ARHGEF2: variants seen among roughly 807,000 people sequenced by gnomAD.
ARHGEF2 encodes Rho/Rac guanine nucleotide exchange factor 2.
Under a neutral mutation model 121.0 loss-of-function variants are expected in ARHGEF2, and 22 were observed. That is an observed-to-expected ratio of 0.18 (90% CI 0.13 to 0.26). The LOEUF is 0.26. ARHGEF2 is among the 10% of genes least tolerant of loss of function. The pLI is 1.00. For missense variants in ARHGEF2, 907 were observed against 1,336.0 expected (o/e 0.68, Z 5.01); for synonymous variants, 487 against 530.0 (o/e 0.92, Z 1.11).
Position 155,961,172 on chromosome 1 carries a change from A to G in ARHGEF2, c.1468+489T>C, listed in dbSNP as rs924983212. ...TGATAGGGAAGGCCCTGTATGGTCCATAAAGTTAACTGCAGAATTCAGGCT... is the reference window on the plus strand; with the variant it reads ...TGATAGGGAAGGCCCTGTATGGTCCGTAAAGTTAACTGCAGAATTCAGGCT... On this transcript the variant is annotated intron_variant, in intron 11 of 21. Transcript: ENST00000361247. The surrounding 1 kb of genome is among the most constrained non-coding windows in gnomAD (Gnocchi z 4.7). Among the ~76,000 whole-genome samples, 2 of 152,198 alleles carry G rather than the reference A, an allele frequency of 1.3e-5. No individual in the cohort carries two copies. The highest frequency in any genetic ancestry group is 2.9e-5 in the Non-Finnish European group (2 of 68,042).
chr1:155,949,557 C>T lies in ARHGEF2; in HGVS notation c.2887+742G>A, dbSNP rs115446733. Among the ~76,000 whole-genome samples, 1,309 of 148,598 alleles carry T rather than the reference C, an allele frequency of 8.8e-3. 21 individuals are homozygous for T. Among genetic ancestry groups the T allele is most frequent in the African/African-American group, 0.031 (1,237 of 40,236 alleles). The stretch of plus-strand genomic sequence containing the variant: ...ATCTCACTACTGTACTCCAGCCTGG[C>T]GACAGAGTGAGAATTCCATCTCAAA... On this transcript the variant is annotated intron_variant, in intron 21 of 21. Transcript: ENST00000361247.
Position 155,962,990 on chromosome 1 carries a change from G to C in ARHGEF2, c.918C>G (p.Cys306Trp). The C allele has an allele frequency of 6.2e-7, 1 of 1,614,190 alleles. No individual in the cohort carries two copies. Among genetic ancestry groups the C allele is most frequent in the African/African-American group, 1.3e-5 (1 of 75,036 alleles). ...QLLERRRQAL[C>W]PGSTRNFVIH... ...TGACAAAGTTCCGGGTGCTGCCAGGGCACAGGGCCTGGCGTCGGCGTTCTA... is the reference window on the plus strand; with the variant it reads ...TGACAAAGTTCCGGGTGCTGCCAGGCCACAGGGCCTGGCGTCGGCGTTCTA... The change falls in exon 8 of 22, where the codon TGC becomes TGG. Residue 306 changes from cysteine (C) to tryptophan (W), a missense_variant. Physicochemically the swap from Cys to Trp is radical, Grantham distance 215 (BLOSUM62 -2). Transcript: ENST00000361247. The surrounding 1 kb of genome is among the most constrained non-coding windows in gnomAD (Gnocchi z 5.8).
intron 1 of ARHGEF2, 23 bp from the exon 2 acceptor site, chr1:155,969,323 A>G: frequency 6.2e-7 from 1 of 1,612,518 alleles, no homozygotes; most frequent in Non-Finnish European, 8.5e-7. Flanking sequence ...TGAGAGGGAG[A>G]GGAAGTGAGG....
At position 155,947,269 on chromosome 1, in the gene ARHGEF2, A is replaced by G. The variant is rs926539439; in HGVS notation, c.*673T>C. 1.2e-5 allele frequency: 5 copies of G among 425,306 alleles called. No individual in the cohort carries two copies. The East Asian group carries it at 2.8e-4, about 24-fold the overall frequency. The allele number at this position is 425,306 out of a possible 1,614,324, so 26.3% of individuals were successfully genotyped here. On this transcript the variant is annotated 3_prime_UTR_variant, in exon 22 of 22. Coordinates refer to ENST00000361247, the MANE Select transcript of ARHGEF2 (RefSeq NM_001162383.2). ...ACAAAAAAGAAAACAAAAGAACAACAAAACATTCTGGTCCCTGTGGGTTTT... is the reference window on the plus strand; with the variant it reads ...ACAAAAAAGAAAACAAAAGAACAACGAAACATTCTGGTCCCTGTGGGTTTT...
In ARHGEF2 at chr1:155,962,714, G is replaced by A. The variant is rs1678223154; in HGVS notation, c.980C>T (p.Ser327Leu). Residue 327 changes from serine (S) to leucine (L), a missense_variant, in exon 9 of 22, where the codon TCA becomes TTA. Ser to Leu is a moderately radical substitution (Grantham distance 145). Transcript: ENST00000361247. The surrounding 1 kb of genome is among the most constrained non-coding windows in gnomAD (Gnocchi z 5.8). ...ACACATCTGCTCCGCACTAGGACCT[G>A]AGAACTAGAAGTTGGTCGAGTAAGG... ...RLGDLLISQF[S>L]GPSAEQMCKT... 6.2e-7 allele frequency: 1 copy of A among 1,614,058 alleles called. No individual in the cohort carries two copies.
At position 155,951,849 on chromosome 1, in the gene ARHGEF2, T is replaced by G; in HGVS notation, c.2172+70A>C. ...GGTGCCTGCCCCTGACAGCTTTGTG[T>G]TGAGGATCCAGAGGCTGGCTGTCCC... On this transcript the variant is annotated intron_variant, in intron 17 of 21. Transcript: ENST00000361247. The surrounding 1 kb of genome is among the most constrained non-coding windows in gnomAD (Gnocchi z 5.1). 1 of 1,613,110 alleles carries G rather than the reference T, an allele frequency of 6.2e-7. No homozygotes were observed. The highest frequency in any genetic ancestry group is 1.3e-5 in the African/African-American group (1 of 75,000).
chr1:155,969,035 G>A (rs1469678135), intron 2 of ARHGEF2, 121 bp downstream of exon 2: 5 of 1,287,484 alleles, frequency 3.9e-6, no homozygotes, highest in Non-Finnish European at 5.4e-6. Context: ...CCTGGCATTT[G>A]GGCCCAGCTG....
rs1431522660 is a variant in ARHGEF2, at chr1:155,952,939, A to G, written c.1784-111T>C. Reference sequence around the variant, plus strand: ...AGGGTGGGGCAGTGTGGCAGACTTAATTTTGTTATTTTGGCATTTATAAAA... The same window carrying G: ...AGGGTGGGGCAGTGTGGCAGACTTAGTTTTGTTATTTTGGCATTTATAAAA... On this transcript the variant is annotated intron_variant, in intron 14 of 21. Coordinates refer to ENST00000361247, the MANE Select transcript of ARHGEF2 (RefSeq NM_001162383.2). 3.2e-5 allele frequency: 30 copies of G among 943,218 alleles called. No homozygotes were observed. The Middle Eastern group carries it at 6.6e-4, about 21-fold the overall frequency. 58.4% of individuals were successfully genotyped at this position (943,218 alleles called of 1,614,324 possible).
rs1424122030 is a variant in ARHGEF2 at position 155,954,799 on chromosome 1, C to T, written c.1783+103G>A. Reference sequence around the variant, plus strand: ...TTAATATGTTTCAGTTGTGGATCTACACCAGCCCTCATAGAGCCATCTCAT... The same window carrying T: ...TTAATATGTTTCAGTTGTGGATCTATACCAGCCCTCATAGAGCCATCTCAT... On this transcript the variant is annotated intron_variant, in intron 14 of 21. Coordinates refer to ENST00000361247, the MANE Select transcript of ARHGEF2 (RefSeq NM_001162383.2). 2.7e-6 allele frequency: 3 copies of T among 1,111,072 alleles called. No individual in the cohort carries two copies. The African/African-American group carries it at 4.6e-5, about 17-fold the overall frequency. The allele number at this position is 1,111,072 out of a possible 1,614,324, so 68.8% of individuals were successfully genotyped here. A position where few individuals can be genotyped will look rare whatever the true frequency, so the allele number is the denominator to read the frequency against.
rs1572117142 is a variant in ARHGEF2, at chr1:155,961,339, A to G, written c.1468+322T>C. Reference sequence around the variant, plus strand: ...ACCCAGGCTAGAGTGCAGTGGTGCAATCTGGGCTCACTGCAAGCTCCGCCT... The same window carrying G: ...ACCCAGGCTAGAGTGCAGTGGTGCAGTCTGGGCTCACTGCAAGCTCCGCCT... On this transcript the variant is annotated intron_variant, in intron 11 of 21. Transcript: ENST00000361247. This position sits in a 1 kb window ranked among gnomAD's most constrained non-coding sequence, Gnocchi z 4.7. Among the ~76,000 whole-genome samples the G allele has an allele frequency of 1.3e-5, 2 of 150,250 alleles. No homozygotes were observed. The highest frequency in any genetic ancestry group is 6.8e-3 in the Middle Eastern group (2 of 294).
chr1:155,979,268 T>C (rs955617720), upstream of ARHGEF2: 7 of 985,400 alleles, frequency 7.1e-6, no homozygotes, highest in Non-Finnish European at 8.4e-6. Context: ...TCTCCACTTT[T>C]ACCGAAGGCC....
In ARHGEF2 at chr1:155,950,396, C is replaced by T. The variant is rs1675166654; in HGVS notation, c.2790G>A (p.Leu930=). 1 of 1,614,162 alleles carries T rather than the reference C, an allele frequency of 6.2e-7. No homozygotes were observed. Among genetic ancestry groups the T allele is most frequent in the East Asian group, 2.2e-5 (1 of 44,890 alleles). Residue 930 remains leucine (L), a synonymous_variant, in exon 21 of 22, where the codon CTG becomes CTA. Coordinates refer to ENST00000361247, the MANE Select transcript of ARHGEF2 (RefSeq NM_001162383.2). The surrounding 1 kb of genome is among the most constrained non-coding windows in gnomAD (Gnocchi z 5.2). ...RNFEDRERQE[L]GSPEERLQDS... ...CTTGCAGCCGCTCTTCGGGGCTCCC[C>T]AGTTCCTGCCTCTCTCGGTCCTCAA...
chr1:155,970,664 A>C lies in ARHGEF2; in HGVS notation c.64-1364T>G, dbSNP rs953987705. The C allele has an allele frequency of 8.1e-6, 8 of 985,488 alleles. 1 individual carries two copies. In the East Asian group the frequency reaches 3.4e-4, roughly 42 times the overall value. The allele number at this position is 985,488 out of a possible 1,614,324, so 61.0% of individuals were successfully genotyped here. ...CAGTACTGACTCAGCCGAGGCCACGAGGCCACGCCAGCAGCTGAGAGGTGG... is the reference window on the plus strand; with the variant it reads ...CAGTACTGACTCAGCCGAGGCCACGCGGCCACGCCAGCAGCTGAGAGGTGG... On this transcript the variant is annotated intron_variant, in intron 1 of 21. Coordinates refer to ENST00000361247, the MANE Select transcript of ARHGEF2 (RefSeq NM_001162383.2).
intron 1 of ARHGEF2, 149 bp from the exon 2 acceptor site, chr1:155,969,449 C>T (rs1680052089): frequency 6.8e-7 from 1 of 1,467,386 alleles, no homozygotes; most frequent in Non-Finnish European, 9.0e-7. Flanking sequence ...GAGCCTGCAA[C>T]TGGGTGTCAG....
intron 14 of ARHGEF2, among the ~76,000 whole-genome samples, chr1:155,954,583 C>T (rs1215347996): frequency 1.5e-5 from 2 of 130,092 alleles, no homozygotes; most frequent in South Asian, 2.6e-4. Context: ...CCACCGCGCC[C>T]GGCCAATCTA....
rs775343430 is a variant in ARHGEF2, at chr1:155,961,929, T to C, written c.1220-20A>G. 2.5e-6 allele frequency: 4 copies of C among 1,613,254 alleles called. No individual in the cohort carries two copies. The Admixed American group carries it at 5.0e-5, about 20-fold the overall frequency. ...CGATCCCTGGCACCGGGGGTTGGCATGGGGAACGGCTCAACCAGTTTCACT... is the reference window on the plus strand; with the variant it reads ...CGATCCCTGGCACCGGGGGTTGGCACGGGGAACGGCTCAACCAGTTTCACT... On this transcript the variant is annotated intron_variant, in intron 10 of 21. Transcript: ENST00000361247. The surrounding 1 kb of genome is among the most constrained non-coding windows in gnomAD (Gnocchi z 4.7).
intron 13 of ARHGEF2, 53 bp from the exon 14 acceptor site, chr1:155,955,022 C>A (rs1572079831): frequency 1.5e-5 from 22 of 1,466,104 alleles, no homozygotes; most frequent in Non-Finnish European, 1.9e-5. Flanking sequence ...AGGTTATAGA[C>A]CAGAATCAGC....
rs568056129 is a variant in ARHGEF2 at position 155,954,112 on chromosome 1, C to G, written c.1783+790G>C. On this transcript the variant is annotated intron_variant, in intron 14 of 21. Coordinates refer to ENST00000361247, the MANE Select transcript of ARHGEF2 (RefSeq NM_001162383.2). ...GAGTAGCCAGGACTACAGGTGTGTA[C>G]CATCATGCCTAGCTATTTTTTTTTT... is the stretch of plus-strand genomic sequence containing the variant. Among the ~76,000 whole-genome samples, 8 of 146,294 alleles carry G rather than the reference C, an allele frequency of 5.5e-5. No individual in the cohort carries two copies. The South Asian group carries it at 1.8e-3, about 32-fold the overall frequency.
At position 155,962,607 on chromosome 1, in the gene ARHGEF2, G is replaced by A; in HGVS notation, c.1087C>T (p.Gln363Ter). The change falls in exon 9 of 22, where the codon CAG (glutamine) becomes TAG (stop). Residue 363 changes from glutamine to a stop codon, truncating the protein, a stop_gained. Transcript: ENST00000361247. LOFTEE classifies it high-confidence loss of function. The surrounding 1 kb of genome is among the most constrained non-coding windows in gnomAD (Gnocchi z 5.8). ...GGTCCGCTCACCCGGATGAATTGCT[G>A]GAAGCGTTTGTCTCGGGCGTACAGC... ...KELYARDKRF[Q>*]QFIRKVTRPA... The A allele has an allele frequency of 6.2e-7, 1 of 1,613,954 alleles. No homozygotes were observed. The highest frequency in any genetic ancestry group is 8.5e-7 in the Non-Finnish European group (1 of 1,180,024).
Sources: allele counts gnomAD v4.1 joint callset (sites outside exome capture counted in the v4.1 genomes callset), GRCh38; gene constraint gnomAD v4.1.1; non-coding constraint Gnocchi (gnomAD v3.1); transcripts MANE v1.5; gene names NCBI Gene and HGNC (gene_info 2026-07-23, HGNC 2026-07-21).